Variants in FARP1 observed in about 807,000 individuals in gnomAD.
FARP1 encodes the protein FERM, ARH/RhoGEF and pleckstrin domain protein 1, also known as FERM, ARHGEF and pleckstrin domain-containing protein 1.
Under a neutral mutation model 128.8 loss-of-function variants are expected in FARP1, and 52 were observed. The ratio of observed to expected loss-of-function variants is 0.40; its 90% CI spans 0.32 to 0.51. FARP1 has a LOEUF of 0.51. Among genes scored for constraint, FARP1 ranks in the 20% least tolerant of loss-of-function variants. The pLI, the probability that FARP1 is intolerant of heterozygous loss-of-function variation, is 0.45. For missense variants in FARP1, 1,333 were observed against 1,367.9 expected (o/e 0.97, Z 0.40); for synonymous variants, 580 against 551.8 (o/e 1.05, Z -0.72).
intron 3 of FARP1, among the ~76,000 whole-genome samples, chr13:98,348,608 T>C (rs534369118): frequency 2.0e-5 from 3 of 152,396 alleles, no homozygotes; most frequent in East Asian, 3.9e-4. Context: ...CACTCAACTC[T>C]GTCTTCACAG....
intron 2 of FARP1, among the ~76,000 whole-genome samples, chr13:98,339,467 A>G (rs1887874185): frequency 6.6e-6 from 1 of 152,188 alleles, no homozygotes; most frequent in Non-Finnish European, 1.5e-5. Context: ...ACAATTCAAC[A>G]TGAGATTTGG....
Position 98,435,700 on chromosome 13 carries a change from G to T in FARP1, c.2268G>T (p.Pro756=). Residue 756 remains proline (P), a synonymous_variant, in exon 19 of 27, where the codon CCG becomes CCT. Coordinates refer to ENST00000319562, the MANE Select transcript of FARP1 (RefSeq NM_005766.4). The part of the protein sequence containing the change: ...DLIGIDNLVV[P]GREFIRLGSL... ...TTGGCATTGACAATCTTGTGGTTCC[G>T]GGAAGGGTAAGCAGCAGTGGCCTCA... 1.2e-6 allele frequency: 2 copies of T among 1,614,090 alleles called. No homozygotes were observed. The highest frequency in any genetic ancestry group is 2.2e-5 in the South Asian group (2 of 91,078).
intron 2 of FARP1, among the ~76,000 whole-genome samples, chr13:98,340,191 T>A (rs549024497): frequency 7.4e-4 from 113 of 152,260 alleles, no homozygotes; most frequent in African/African-American, 2.7e-3. Flanking sequence ...CCAGAACTCT[T>A]TGGGAAATGT....
intron 18 of FARP1, chr13:98,434,744 C>T (rs1256526715): frequency 2.0e-5 from 3 of 152,274 alleles, no homozygotes; most frequent in Non-Finnish European, 4.4e-5. Context: ...CCTGTAATCC[C>T]AGCACTTTGG....
At chr13:98,270,171 G>A (rs757188659) in intron 2 of FARP1, among the ~76,000 whole-genome samples, 3 of 152,116 alleles carry the variant, frequency 2.0e-5, no homozygotes, top group Non-Finnish European at 2.9e-5. Flanking sequence ...TGTTTTTCTT[G>A]GGTAAATTTA....
chr13:98,412,022 G>A lies in FARP1; in HGVS notation c.1814G>A (p.Arg605Gln), dbSNP rs1309712228. Residue 605 changes from arginine to glutamine, a missense_variant, in exon 16 of 27, where the codon CGA (arginine) becomes CAA (glutamine). Arg to Gln is a conservative substitution (Grantham distance 43, BLOSUM62 1). Coordinates refer to ENST00000319562, the MANE Select transcript of FARP1 (RefSeq NM_005766.4). ...AATTTTCTCAAGGAAATTGAGCAACGACTTGCCCTGTGGTGAGTACATTTC... is the reference window on the plus strand; with the variant it reads ...AATTTTCTCAAGGAAATTGAGCAACAACTTGCCCTGTGGTGAGTACATTTC... ...HTNFLKEIEQRLALWEGRSNA... is the reference protein window; with the variant it reads ...HTNFLKEIEQQLALWEGRSNA... 5 of 1,614,074 alleles carry A rather than the reference G, an allele frequency of 3.1e-6. No homozygotes were observed. The highest frequency in any genetic ancestry group is 1.7e-5 in the Admixed American group (1 of 60,014).
At chr13:98,170,016 C>T (rs771634620) in intron 1 of FARP1, among the ~76,000 whole-genome samples, 3 of 152,070 alleles carry the variant, frequency 2.0e-5, no homozygotes, top group Non-Finnish European at 4.4e-5. Flanking sequence ...TCAAATTAAT[C>T]TTTATAAACT....
At chr13:98,180,522 A>G (rs1407705533) in intron 1 of FARP1, among the ~76,000 whole-genome samples, 1 of 152,168 alleles carries the variant, frequency 6.6e-6, no homozygotes, top group African/African-American at 2.4e-5. Flanking sequence ...ATCTGTTTCC[A>G]GTGATACTTG....
In FARP1 at chr13:98,409,203, T is replaced by C. The variant is rs560501086; in HGVS notation, c.1415-135T>C. The C allele has an allele frequency of 1.8e-5, 12 of 672,878 alleles. No individual in the cohort carries two copies. The East Asian group carries it at 3.3e-4, about 19-fold the overall frequency. 41.7% of individuals were successfully genotyped at this position (672,878 alleles called of 1,614,324 possible). A position where few individuals can be genotyped will look rare whatever the true frequency, so the allele number is the denominator to read the frequency against. ...TTGACTTAGGAAAAAAACTAGAAAATAAAGAATCGCTTTAGGTTTGCCATG... is the reference window on the plus strand; with the variant it reads ...TTGACTTAGGAAAAAAACTAGAAAACAAAGAATCGCTTTAGGTTTGCCATG... On this transcript the variant is annotated intron_variant, in intron 13 of 26. Transcript: ENST00000319562.
chr13:98,284,986 AT>A (rs1247415111), intron 2 of FARP1, among the ~76,000 whole-genome samples: 50 of 152,296 alleles, frequency 3.3e-4, no homozygotes, highest in African/African-American at 1.1e-3. Flanking sequence ...AGTCTGTCTA[AT>A]TTATGGTCTG....
At chr13:98,254,944 TC>T (rs201888100) in intron 2 of FARP1, among the ~76,000 whole-genome samples, 122 of 125,940 alleles carry the variant, frequency 9.7e-4, no homozygotes, top group Admixed American at 1.6e-3. Context: ...GGCATCTTCC[TC>T]TTTTTTTTTT....
At chr13:98,315,122 G>A (rs1417105512) in intron 2 of FARP1, among the ~76,000 whole-genome samples, 2 of 152,196 alleles carry the variant, frequency 1.3e-5, no homozygotes, top group Non-Finnish European at 2.9e-5. Flanking sequence ...AGTTAAAGAT[G>A]AAATTTTGTT....
chr13:98,408,595 C>G (rs1314730441), intron 13 of FARP1, among the ~76,000 whole-genome samples: 1 of 152,164 alleles, frequency 6.6e-6, no homozygotes, highest in African/African-American at 2.4e-5. Flanking sequence ...TCCCAAAGTG[C>G]TGGGATTACA....
At chr13:98,363,321 A>G (rs1163163789) in intron 3 of FARP1, among the ~76,000 whole-genome samples, 6 of 152,146 alleles carry the variant, frequency 3.9e-5, no homozygotes, top group Admixed American at 6.5e-5. Flanking sequence ...GGTCATTTTC[A>G]GGGAAGATTG....
At position 98,384,717 on chromosome 13, in the gene FARP1, T is replaced by C; in HGVS notation, c.497-13T>C. 1 of 1,553,860 alleles carries C rather than the reference T, an allele frequency of 6.4e-7. No homozygotes were observed. The highest frequency in any genetic ancestry group is 8.9e-7 in the Non-Finnish European group (1 of 1,125,378). On this transcript the variant is annotated splice_polypyrimidine_tract_variant and intron_variant, in intron 6 of 26. Transcript: ENST00000319562. ...TTCCTACGTGACCTGTTTTTCTTTC[T>C]GTTTCTTTTTAGCTGAGATTGGGGA...
intron 13 of FARP1, chr13:98,403,119 A>G (rs913857134): frequency 3.4e-5 from 5 of 149,238 alleles, no homozygotes; most frequent in African/African-American, 4.9e-5. Flanking sequence ...CTGAATACCA[A>G]TTTGTACTTG....
chr13:98,304,184 C>T (rs1268130297), intron 2 of FARP1, among the ~76,000 whole-genome samples: 1 of 152,090 alleles, frequency 6.6e-6, no homozygotes, highest in Admixed American at 6.5e-5. Flanking sequence ...CCCGAGACCC[C>T]TCCAGCAGAA....
At chr13:98,165,787 G>A (rs1336564011) in intron 1 of FARP1, among the ~76,000 whole-genome samples, 7 of 132,936 alleles carry the variant, frequency 5.3e-5, no homozygotes, top group African/African-American at 2.0e-4. Flanking sequence ...GTGCGATCTC[G>A]GGTCACTGAA....
chr13:98,157,052 A>G (rs1011427716), intron 1 of FARP1, among the ~76,000 whole-genome samples: 2 of 152,226 alleles, frequency 1.3e-5, no homozygotes, highest in East Asian at 1.9e-4. Context: ...ATGTCTGCAG[A>G]GTGGACGTGA....
Sources: allele counts gnomAD v4.1 joint callset (sites outside exome capture counted in the v4.1 genomes callset), GRCh38; gene constraint gnomAD v4.1.1; transcripts MANE v1.5; gene names NCBI Gene and HGNC (gene_info 2026-07-23, HGNC 2026-07-21).